Variants in TRAF2 observed in about 807,000 individuals in gnomAD.
TRAF2 encodes TNF receptor associated factor 2.
Under a neutral mutation model 55.6 loss-of-function variants are expected in TRAF2, and 6 were observed. That is an observed-to-expected ratio of 0.11 (90% CI 0.06 to 0.21). The LOEUF (loss-of-function observed/expected upper bound fraction) is 0.21. TRAF2 is among the 10% of genes least tolerant of loss of function. TRAF2 has a pLI of 1.00. For missense variants in TRAF2, 561 were observed against 684.5 expected, an observed-to-expected ratio of 0.82 and a Z score of 2.01; for synonymous variants, 329 against 276.3, an observed-to-expected ratio of 1.19 and a Z score of -1.89.
intron 4 of TRAF2, chr9:136,900,736 C>A: frequency 1.7e-6 from 1 of 583,998 alleles, no homozygotes; most frequent in Non-Finnish European, 3.2e-6. Flanking sequence ...GGAGCTTGGG[C>A]TGTGTGACCT....
Position 136,920,230 on chromosome 9 carries a change from G to A in TRAF2, c.679-4G>A, listed in dbSNP as rs761646061. 39 of 1,602,110 alleles carry A rather than the reference G, an allele frequency of 2.4e-5. No homozygotes were observed. Among genetic ancestry groups the A allele is most frequent in the African/African-American group, 5.4e-5 (4 of 74,716 alleles). ...CCAGCAGCCTCCCTGCCCTGTGTCC[G>A]CAGGTAGAGGGTGAGAAACAGCAGG... On this transcript the variant is annotated splice_region_variant and splice_polypyrimidine_tract_variant and intron_variant, in intron 7 of 10. Coordinates refer to ENST00000247668, the MANE Select transcript of TRAF2 (RefSeq NM_021138.4).
intron 3 of TRAF2, among the ~76,000 whole-genome samples, 175 bp downstream of exon 3, chr9:136,899,847 A>G (rs1349022929): frequency 2.0e-5 from 3 of 152,136 alleles, no homozygotes; most frequent in African/African-American, 7.2e-5. Context: ...CAACATAGTG[A>G]GACCCTGTCT....
At chr9:136,912,630 A>G (rs897909665) in intron 6 of TRAF2, among the ~76,000 whole-genome samples, 2 of 152,038 alleles carry the variant, frequency 1.3e-5, no homozygotes, top group Admixed American at 1.3e-4. Flanking sequence ...ACTTGAGGCC[A>G]GTTCGAGACC....
At chr9:136,902,275 T>G (rs901999656) in intron 4 of TRAF2, 11 of 152,370 alleles carry the variant, frequency 7.2e-5, no homozygotes, top group Admixed American at 2.0e-4. Flanking sequence ...GATGGCTCCC[T>G]GGGGAGGTGG....
At chr9:136,925,238 A>T (rs779658414) in intron 10 of TRAF2, among the ~76,000 whole-genome samples, 4 of 152,186 alleles carry the variant, frequency 2.6e-5, no homozygotes, top group Non-Finnish European at 4.4e-5. Context: ...GTCCTGGGGC[A>T]TCCAGGTTCA....
chr9:136,919,766 G>A (rs975403367), intron 7 of TRAF2, among the ~76,000 whole-genome samples: 1 of 150,822 alleles, frequency 6.6e-6, no homozygotes, highest in Non-Finnish European at 1.5e-5. Flanking sequence ...GCCAGGCAGG[G>A]ATGCAGTGGT....
chr9:136,893,374 C>G (rs949611327), intron 1 of TRAF2, among the ~76,000 whole-genome samples: 1 of 152,204 alleles, frequency 6.6e-6, no homozygotes, highest in Admixed American at 6.5e-5. Context: ...GAAAGCACAC[C>G]ACTGCTGGCT....
intron 9 of TRAF2, among the ~76,000 whole-genome samples, chr9:136,922,836 CGTG>C (rs1349899568): frequency 1.1e-5 from 1 of 94,734 alleles, no homozygotes; most frequent in African/African-American, 4.3e-5. Context: ...TCTGGGGGCA[CGTG>C]GTGGAGGACG....
Position 136,923,934 on chromosome 9 carries a change from G to A in TRAF2, c.1221G>A (p.Leu407=). 6.2e-7 allele frequency: 1 copy of A among 1,614,070 alleles called. No individual in the cohort carries two copies. The highest frequency in any genetic ancestry group is 8.5e-7 in the Non-Finnish European group (1 of 1,180,028). ...NGDGTGRGTH[L]SLFFVVMKGP... is the part of the protein sequence containing the mutation. ...ACGGCACCGGGCGAGGAACACACCT[G>A]TCCCTCTTCTTTGTGGTGATGAAGG... is the stretch of plus-strand genomic sequence containing the variant. The change falls in exon 10 of 11, where the codon CTG becomes CTA. Residue 407 remains leucine, a synonymous_variant. Coordinates refer to ENST00000247668, the MANE Select transcript of TRAF2 (RefSeq NM_021138.4).
At chr9:136,900,247 G>C (rs1264236818) in intron 3 of TRAF2, among the ~76,000 whole-genome samples, 175 bp from the exon 4 acceptor site, 1 of 151,982 alleles carries the variant, frequency 6.6e-6, no homozygotes, top group Non-Finnish European at 1.5e-5. Flanking sequence ...GGAAACTTTG[G>C]CATCAAGGTG....
chr9:136,899,544 T>G, intron 2 of TRAF2, 50 bp from the exon 3 acceptor site: 1 of 1,562,032 alleles, frequency 6.4e-7, no homozygotes, highest in South Asian at 1.2e-5. Context: ...GTGTTTGTTT[T>G]TTGCATTAGG....
At chr9:136,921,713 C>T (rs2131332164) in intron 9 of TRAF2, among the ~76,000 whole-genome samples, 1 of 151,570 alleles carries the variant, frequency 6.6e-6, no homozygotes, top group Middle Eastern at 3.4e-3. Context: ...TTTTTTAAAC[C>T]CCAACTATGG....
intron 4 of TRAF2, 135 bp downstream of exon 4, chr9:136,900,655 A>G (rs912726154): frequency 1.7e-5 from 13 of 761,656 alleles, no homozygotes; most frequent in Non-Finnish European, 2.6e-5. Context: ...CTGTGGAGGA[A>G]GAGACGGAGC....
intron 1 of TRAF2, among the ~76,000 whole-genome samples, chr9:136,896,844 A>G (rs895825893): frequency 5.3e-5 from 8 of 152,116 alleles, no homozygotes; most frequent in African/African-American, 1.4e-4. Context: ...TCCTGATCTC[A>G]TGATCTGCCC....
Position 136,920,458 on chromosome 9 carries a change from G to A in TRAF2, c.903G>A (p.Glu301=). The A allele has an allele frequency of 3.1e-5, 50 of 1,613,680 alleles. No homozygotes were observed. Among genetic ancestry groups the A allele is most frequent in the Non-Finnish European group, 4.2e-5 (50 of 1,179,980 alleles). The change falls in exon 8 of 11, where the codon GAG becomes GAA. Residue 301 remains glutamate (E), a synonymous_variant. Transcript: ENST00000247668. The stretch of plus-strand genomic sequence containing the variant: ...TGGAGAGGGTGGCCATGACTGCCGA[G>A]GCCTGCAGCCGGCAGCACCGGCTGG... ...REVERVAMTA[E]ACSRQHRLDQ... is the part of the protein sequence containing the mutation.
intron 7 of TRAF2, 67 bp from the exon 8 acceptor site, chr9:136,920,167 G>A (rs1052184242): frequency 3.3e-6 from 5 of 1,503,814 alleles, no homozygotes; most frequent in East Asian, 2.4e-5. Context: ...CCACGTCTTG[G>A]TGGCCGTCCC....
At chr9:136,904,408 AT>A (rs1334531048) in intron 4 of TRAF2, among the ~76,000 whole-genome samples, 1 of 151,058 alleles carries the variant, frequency 6.6e-6, no homozygotes, top group African/African-American at 2.4e-5. Context: ...TTTTATTTTT[AT>A]TTTTTTATTT....
rs1850003477 is a variant in TRAF2 at position 136,908,179 on chromosome 9, G to A, written c.476G>A (p.Arg159Lys). ...CACCTGGAGCACGAGTGCCCGGAGA[G>A]AAGCCTGAGCTGCCGGCATTGCCGG... ...ERHLEHECPE[R>K]SLSCRHCRAP... is the part of the protein sequence containing the mutation. The change falls in exon 5 of 11, where the codon AGA becomes AAA. Residue 159 changes from arginine to lysine, a missense_variant. Arg to Lys is a conservative substitution (Grantham distance 26). Transcript: ENST00000247668. 1.2e-6 allele frequency: 2 copies of A among 1,601,588 alleles called. No individual in the cohort carries two copies. Among genetic ancestry groups the A allele is most frequent in the East Asian group, 4.5e-5 (2 of 44,866 alleles).
At chr9:136,922,154 C>T (rs768811054) in intron 9 of TRAF2, among the ~76,000 whole-genome samples, 1 of 152,210 alleles carries the variant, frequency 6.6e-6, no homozygotes, top group Non-Finnish European at 1.5e-5. Context: ...GAGACCCAAG[C>T]GTCATCTGGA....
Sources: allele counts gnomAD v4.1 joint callset (sites outside exome capture counted in the v4.1 genomes callset), GRCh38; gene constraint gnomAD v4.1.1; transcripts MANE v1.5; gene names NCBI Gene and HGNC (gene_info 2026-07-23, HGNC 2026-07-21).